The following ANKAR variants were observed in gnomAD, a reference collection of about 807,000 sequenced individuals.
ANKAR encodes ankyrin and armadillo repeat containing.
ANKAR carries 136 observed loss-of-function variants against 146.2 expected under a neutral mutation model. That is an observed-to-expected ratio of 0.93 (90% CI 0.81 to 1.07). ANKAR has a LOEUF of 1.07. ANKAR is among the 50% of genes least tolerant of loss of function. ANKAR has a pLI of 0.00. For missense variants in ANKAR, 1,567 were observed against 1,679.9 expected (o/e 0.93, Z 1.18); for synonymous variants, 500 against 575.8 (o/e 0.87, Z 1.88).
At chr2:189,688,750 G>A (rs1459155960) in intron 2 of ANKAR, among the ~76,000 whole-genome samples, 2 of 152,210 alleles carry the variant, frequency 1.3e-5, no homozygotes, top group East Asian at 3.9e-4. Context: ...TATGATCCAT[G>A]TTCACTTTGG....
intron 4 of ANKAR, 194 bp from the exon 5 acceptor site, chr2:189,692,880 C>T: frequency 2.7e-6 from 1 of 370,892 alleles, no homozygotes; most frequent in South Asian, 6.2e-5. Flanking sequence ...CTTCTGTATA[C>T]TATGTGTCTT....
At chr2:189,747,674 C>T (rs2044355746), downstream of ANKAR, among the ~76,000 whole-genome samples, 1 of 152,052 alleles carries the variant, frequency 6.6e-6, no homozygotes, top group South Asian at 2.1e-4. Context: ...TCACTGTGTA[C>T]TTTATTTTAC....
chr2:189,687,767 G>A (rs1036747774), intron 2 of ANKAR, among the ~76,000 whole-genome samples: 1 of 152,172 alleles, frequency 6.6e-6, no homozygotes, highest in Admixed American at 6.5e-5. Context: ...CTCCTTTTGA[G>A]AAAAGTCTAT....
chr2:189,678,678 G>T (rs2034155695), intron 2 of ANKAR, among the ~76,000 whole-genome samples: 1 of 152,152 alleles, frequency 6.6e-6, no homozygotes, highest in Non-Finnish European at 1.5e-5. Flanking sequence ...TGTTGAATAA[G>T]GGTGCCCTTT....
chr2:189,696,272 T>A lies in ANKAR; in HGVS notation c.1611T>A (p.Phe537Leu). The A allele has an allele frequency of 6.2e-7, 1 of 1,614,142 alleles. No homozygotes were observed. Among genetic ancestry groups the A allele is most frequent in the Non-Finnish European group, 8.5e-7 (1 of 1,180,014 alleles). Residue 537 changes from phenylalanine (F) to leucine (L), a missense_variant, in exon 7 of 23, where the codon TTT (phenylalanine) becomes TTA (leucine). By Grantham distance (22) the Phe-to-Leu change is conservative. Transcript: ENST00000684021. The part of the protein sequence containing the change: ...NVSDEAGYTI[F>L]HHAALHNRVS... ...CAGATGAAGCAGGTTATACTATTTT[T>A]CATCATGCTGCCCTGCACAACAGAG...
In ANKAR at chr2:189,676,744, T is replaced by C. The variant is rs745691357; in HGVS notation, c.254T>C (p.Leu85Pro). The change falls in exon 2 of 23, where the codon CTA becomes CCA. Residue 85 changes from leucine (L) to proline (P), a missense_variant. By Grantham distance (98) the Leu-to-Pro change is moderately conservative. Transcript: ENST00000684021. The part of the protein sequence containing the change: ...MNNVGFSTAI[L>P]LTPVDPTALL... ...AACGTAGGCTTCTCCACTGCAATCC[T>C]ACTGACTCCCGTGGACCCTACTGCC... 2 of 1,614,102 alleles carry C rather than the reference T, an allele frequency of 1.2e-6. No individual in the cohort carries two copies. The highest frequency in any genetic ancestry group is 8.5e-7 in the Non-Finnish European group (1 of 1,180,050).
chr2:189,704,409 T>G (rs2038543936), intron 7 of ANKAR, among the ~76,000 whole-genome samples: 3 of 151,446 alleles, frequency 2.0e-5, no homozygotes, highest in Admixed American at 1.3e-4. Flanking sequence ...CTTCCCAAAG[T>G]GCTGGGATTA....
chr2:189,760,557 C>T (rs1402388383), intron 18 of ANKAR, among the ~76,000 whole-genome samples: 2 of 152,210 alleles, frequency 1.3e-5, no homozygotes, highest in African/African-American at 4.8e-5. Flanking sequence ...CTTTGGGAGG[C>T]CGAGGTAGGT....
downstream of ANKAR, chr2:189,762,926 T>C: frequency 6.1e-6 from 6 of 985,316 alleles, no homozygotes; most frequent in Non-Finnish European, 7.2e-6. Flanking sequence ...TTCCCCCAGA[T>C]TTGCAGGTGA....
At chr2:189,753,823 G>T (rs1326795286) in intron 18 of ANKAR, 3 of 1,325,640 alleles carry the variant, frequency 2.3e-6, no homozygotes, top group Non-Finnish European at 3.1e-6. Flanking sequence ...AAGGCATAAA[G>T]ATCTGTTCAT....
intron 9 of ANKAR, among the ~76,000 whole-genome samples, chr2:189,708,875 G>A (rs998122166): frequency 6.6e-6 from 1 of 152,114 alleles, no homozygotes; most frequent in Non-Finnish European, 1.5e-5. Flanking sequence ...AGGCCAAGGC[G>A]GGCAGATCAC....
At chr2:189,743,067 A>C (rs1418864966) in intron 20 of ANKAR, among the ~76,000 whole-genome samples, 5 of 151,944 alleles carry the variant, frequency 3.3e-5, no homozygotes, top group East Asian at 1.9e-4. Flanking sequence ...GACTGAGAAC[A>C]ACCACTAGAA....
chr2:189,760,157 T>C (rs2106081026), intron 18 of ANKAR, among the ~76,000 whole-genome samples: 1 of 152,364 alleles, frequency 6.6e-6, no homozygotes, highest in East Asian at 1.9e-4. Context: ...TGTCTACTTC[T>C]TTCTACACAG....
chr2:189,732,345 T>C lies in ANKAR; in HGVS notation c.3301-762T>C, dbSNP rs529871953. Among the ~76,000 whole-genome samples the C allele has an allele frequency of 7.9e-5, 12 of 152,164 alleles. No homozygotes were observed. The South Asian group carries it at 2.3e-3, about 29-fold the overall frequency. ...TAGTAGTACTATTTCTTAGTACTACTCCCCAAAGTTTTGCTTAAATTAATA... is the reference window on the plus strand; with the variant it reads ...TAGTAGTACTATTTCTTAGTACTACCCCCCAAAGTTTTGCTTAAATTAATA... On this transcript the variant is annotated intron_variant, in intron 16 of 22. Transcript: ENST00000684021.
chr2:189,745,876 AT>A (rs1452278594), intron 22 of ANKAR, among the ~76,000 whole-genome samples: 5 of 152,174 alleles, frequency 3.3e-5, no homozygotes, highest in African/African-American at 1.2e-4. Context: ...AAAAGCATCC[AT>A]TTTTTATATA....
chr2:189,695,483 C>T (rs1049448359), intron 6 of ANKAR, among the ~76,000 whole-genome samples: 2 of 152,154 alleles, frequency 1.3e-5, no homozygotes, highest in African/African-American at 4.8e-5. Context: ...TCCTGTTATA[C>T]AAATGAGAAA....
downstream of ANKAR, among the ~76,000 whole-genome samples, chr2:189,761,891 T>C (rs2047116767): frequency 6.6e-6 from 1 of 152,222 alleles, no homozygotes; most frequent in Non-Finnish European, 1.5e-5. Flanking sequence ...ACTTGCATGC[T>C]GTTCCTACCA....
downstream of ANKAR, among the ~76,000 whole-genome samples, chr2:189,749,951 A>G (rs539047346): frequency 6.6e-6 from 1 of 151,986 alleles, no homozygotes; most frequent in African/African-American, 2.4e-5. Context: ...GTGAAACCCC[A>G]TCTCTACTAA....
At chr2:189,701,244 T>A (rs2038009627) in intron 7 of ANKAR, among the ~76,000 whole-genome samples, 1 of 152,180 alleles carries the variant, frequency 6.6e-6, no homozygotes, top group Non-Finnish European at 1.5e-5. Flanking sequence ...TTTATTTTTA[T>A]TTTTATTTTT....
Sources: gnomAD v4.1 joint callset for allele counts (sites outside exome capture counted in the v4.1 genomes callset) on GRCh38, gnomAD v4.1.1 for gene constraint, MANE v1.5 for transcripts, NCBI Gene and HGNC (gene_info 2026-07-23, HGNC 2026-07-21) for gene names.